Variants in FMNL1 observed in about 807,000 individuals in gnomAD.
The protein encoded by FMNL1 is formin-like protein 1.
A neutral mutation model predicts 121.3 loss-of-function variants in FMNL1; 43 were observed. The observed-to-expected ratio is 0.35, with a 90% CI of 0.28 to 0.46. The LOEUF is 0.46. Ranked by LOEUF, FMNL1 falls within the 20% of genes least tolerant of loss-of-function variation. FMNL1 has a pLI of 1.00. For missense variants in FMNL1, 1,191 were observed against 1,482.4 expected, an observed-to-expected ratio of 0.80 and a Z score of 3.23; for synonymous variants, 613 against 613.5, an observed-to-expected ratio of 1.00 and a Z score of 0.01.
Position 45,237,530 on chromosome 17 carries a change from C to T in FMNL1, c.801-16C>T. The T allele has an allele frequency of 6.2e-7, 1 of 1,613,936 alleles. No individual in the cohort carries two copies. Among genetic ancestry groups the T allele is most frequent in the Non-Finnish European group, 8.5e-7 (1 of 1,179,800 alleles). Reference sequence around the variant, plus strand: ...CTGCCTGTTCTCAAGGGACAACCTGCCCCTTCTCTCTCCAGAACCAAGGCT... The same window carrying T: ...CTGCCTGTTCTCAAGGGACAACCTGTCCCTTCTCTCTCCAGAACCAAGGCT... On this transcript the variant is annotated splice_polypyrimidine_tract_variant and intron_variant, in intron 8 of 26. Coordinates refer to ENST00000331495, the MANE Select transcript of FMNL1 (RefSeq NM_005892.4). The surrounding 1 kb of genome is among the most constrained non-coding windows in gnomAD (Gnocchi z 4.4).
In FMNL1 at chr17:45,241,830, C is replaced by T. The variant is rs2043704877; in HGVS notation, c.1586-17C>T. ...GCTGACTCGCGCCTCCCCCACGCCG[C>T]GCCCTCGCTGGCTCAGATCTCGCAC... On this transcript the variant is annotated splice_polypyrimidine_tract_variant and intron_variant, in intron 14 of 26. Coordinates refer to ENST00000331495, the MANE Select transcript of FMNL1 (RefSeq NM_005892.4). The surrounding 1 kb of genome is among the most constrained non-coding windows in gnomAD (Gnocchi z 7.0). The T allele has an allele frequency of 2.1e-6, 3 of 1,414,800 alleles. No homozygotes were observed. The highest frequency in any genetic ancestry group is 3.0e-5 in the African/African-American group (2 of 66,914). The allele number at this position is 1,414,800 out of a possible 1,614,324, so 87.6% of individuals were successfully genotyped here.
chr17:45,243,720 A>C lies in FMNL1; in HGVS notation c.2214-71A>C, dbSNP rs181679032. On this transcript the variant is annotated intron_variant, in intron 17 of 26. Coordinates refer to ENST00000331495, the MANE Select transcript of FMNL1 (RefSeq NM_005892.4). ...TGAAATTCATTTATTCAATCAAGGC[A>C]GGGGTAGCCCTGCTCCCAGGGACTG... 1.1e-4 allele frequency: 149 copies of C among 1,398,472 alleles called. No individual in the cohort carries two copies. The African/African-American group carries it at 2.1e-3, about 19-fold the overall frequency. The allele number at this position is 1,398,472 out of a possible 1,614,324, so 86.6% of individuals were successfully genotyped here. A position where few individuals can be genotyped will look rare whatever the true frequency, so the allele number is the denominator to read the frequency against.
At position 45,236,200 on chromosome 17, in the gene FMNL1, G is replaced by A. The variant is rs778357711; in HGVS notation, c.679G>A (p.Val227Ile). 1.9e-6 allele frequency: 3 copies of A among 1,613,982 alleles called. No homozygotes were observed. The highest frequency in any genetic ancestry group is 1.1e-5 in the South Asian group (1 of 91,086). Residue 227 changes from valine to isoleucine, a missense_variant, in exon 7 of 27, where the codon GTC becomes ATC. By Grantham distance (29) the Val-to-Ile change is conservative. Coordinates refer to ENST00000331495, the MANE Select transcript of FMNL1 (RefSeq NM_005892.4). ...NSRIVSQKDD[V>I]HVCIMCLRAI... ...CCGCATCGTCAGCCAGAAGGACGAC[G>A]TCCACGTCTGTATTATGTGCCTACG...
At chr17:45,246,801 C>T in intron 26 of FMNL1, 66 bp from the exon 27 acceptor site, 1 of 700,164 alleles carries the variant, frequency 1.4e-6, no homozygotes, top group Non-Finnish European at 2.6e-6. Flanking sequence ...AGCTTTGTGC[C>T]CTGGAGCCAT....
rs1370317879 is a variant in FMNL1, at chr17:45,246,510, A to C, written c.3217A>C (p.Lys1073Gln). The C allele has an allele frequency of 1.2e-6, 2 of 1,614,004 alleles. No individual in the cohort carries two copies. Among genetic ancestry groups the C allele is most frequent in the African/African-American group, 1.3e-5 (1 of 74,970 alleles). ...GAIEDIITVIKTVPFTARTGK... is the reference protein window; with the variant it reads ...GAIEDIITVIQTVPFTARTGK... ...CCTGCCCCACCCCCACTCAGTGATC[A>C]AGACGGTGCCCTTCACGGCCCGCAC... Residue 1073 changes from lysine (K) to glutamine (Q), a missense_variant, in exon 26 of 27, where the codon AAG becomes CAG. Physicochemically the swap from Lys to Gln is moderately conservative, Grantham distance 53. Coordinates refer to ENST00000331495, the MANE Select transcript of FMNL1 (RefSeq NM_005892.4).
chr17:45,240,458 C>A lies in FMNL1; in HGVS notation c.1081-18C>A. 1 of 1,601,644 alleles carries A rather than the reference C, an allele frequency of 6.2e-7. No individual in the cohort carries two copies. Among genetic ancestry groups the A allele is most frequent in the South Asian group, 1.1e-5 (1 of 89,594 alleles). ...ACACACACCAGGCCTCACCCCACTC[C>A]TTCCATCTGGGGGACAGAGGCTTCG... On this transcript the variant is annotated intron_variant, in intron 11 of 26. Transcript: ENST00000331495.
chr17:45,245,816 G>C (rs1004119469), intron 23 of FMNL1, 62 bp from the exon 24 acceptor site: 8 of 1,327,954 alleles, frequency 6.0e-6, no homozygotes, highest in Non-Finnish European at 8.2e-6. Flanking sequence ...GGCTGCTTCT[G>C]TTTAGGGGGT....
Position 45,232,431 on chromosome 17 carries a change from C to T in FMNL1, c.278C>T (p.Thr93Ile), listed in dbSNP as rs370795739. The change falls in exon 3 of 27, where the codon ACT (threonine) becomes ATT (isoleucine). Residue 93 changes from threonine to isoleucine, a missense_variant. Coordinates refer to ENST00000331495, the MANE Select transcript of FMNL1 (RefSeq NM_005892.4). ...YIQKLKSYVD[T>I]GGVSRKVAAD... The stretch of plus-strand genomic sequence containing the variant: ...CAGAAGCTGAAGAGCTATGTGGATA[C>T]TGGTGGGGTCAGCCGAAAGGTAGCA... The T allele has an allele frequency of 6.2e-6, 10 of 1,613,944 alleles. No individual in the cohort carries two copies. Among genetic ancestry groups the T allele is most frequent in the Non-Finnish European group, 8.5e-6 (10 of 1,179,986 alleles).
Position 45,245,425 on chromosome 17 carries a change from G to C in FMNL1, c.2892+9G>C. The C allele has an allele frequency of 6.2e-7, 1 of 1,614,098 alleles. No homozygotes were observed. The highest frequency in any genetic ancestry group is 8.5e-7 in the Non-Finnish European group (1 of 1,180,006). On this transcript the variant is annotated intron_variant, in intron 22 of 26. Transcript: ENST00000331495. Reference sequence around the variant, plus strand: ...ACAGCAAGACGGCTCAGGTGCGCCAGGGCTGGCCTCACCTGGAGGTGGGGC... The same window carrying C: ...ACAGCAAGACGGCTCAGGTGCGCCACGGCTGGCCTCACCTGGAGGTGGGGC...
At chr17:45,232,996 GT>G in intron 3 of FMNL1, 2 of 646,528 alleles carry the variant, frequency 3.1e-6, no homozygotes, top group Non-Finnish European at 5.7e-6. Flanking sequence ...GTGTGCCCAT[GT>G]ATCGGGGGTG....
intron 1 of FMNL1, among the ~76,000 whole-genome samples, chr17:45,226,752 T>G (rs2043337337): frequency 6.6e-6 from 1 of 152,178 alleles, no homozygotes; most frequent in Non-Finnish European, 1.5e-5. Flanking sequence ...TTGTTACTGT[T>G]GTCGGTGTTG....
At chr17:45,246,419 CT>C (rs2043836860) in intron 25 of FMNL1, 85 bp from the exon 26 acceptor site, 2 of 1,611,980 alleles carry the variant, frequency 1.2e-6, no homozygotes, top group Admixed American at 3.3e-5. Flanking sequence ...GGGGGACTGG[CT>C]GCCACACTGC....
At position 45,245,055 on chromosome 17, in the gene FMNL1, C is replaced by T. The variant is rs780542974; in HGVS notation, c.2675C>T (p.Pro892Leu). 12 of 1,614,052 alleles carry T rather than the reference C, an allele frequency of 7.4e-6. No individual in the cohort carries two copies. The highest frequency in any genetic ancestry group is 1.3e-5 in the African/African-American group (1 of 74,912). The change falls in exon 21 of 27, where the codon CCG becomes CTG. Residue 892 changes from proline (P) to leucine (L), a missense_variant. Physicochemically the swap from Pro to Leu is moderately conservative, Grantham distance 98. Coordinates refer to ENST00000331495, the MANE Select transcript of FMNL1 (RefSeq NM_005892.4). ...GTGAAGGTCATTGCTGAGAAGTACC[C>T]GCAACTCACAGGCTTCCACAGCGAC... The part of the protein sequence containing the change: ...YLVKVIAEKY[P>L]QLTGFHSDLH...
At chr17:45,236,373 T>C in intron 7 of FMNL1, 129 bp downstream of exon 7, 1 of 720,920 alleles carries the variant, frequency 1.4e-6, no homozygotes, top group Non-Finnish European at 2.3e-6. Context: ...CTTGCGCATC[T>C]GGGCTGTTGG....
Position 45,246,892 on chromosome 17 carries a change from C to T in FMNL1, c.*34C>T. ...ATCTGCGGAACCAGCCCTACATCCGCGCAGACACAGGCCGCCGCAGTGCCC... is the reference window on the plus strand; with the variant it reads ...ATCTGCGGAACCAGCCCTACATCCGTGCAGACACAGGCCGCCGCAGTGCCC... On this transcript the variant is annotated 3_prime_UTR_variant, in exon 27 of 27. Coordinates refer to ENST00000331495, the MANE Select transcript of FMNL1 (RefSeq NM_005892.4). 1 of 754,990 alleles carries T rather than the reference C, an allele frequency of 1.3e-6. No individual in the cohort carries two copies. Among genetic ancestry groups the T allele is most frequent in the Non-Finnish European group, 2.4e-6 (1 of 414,066 alleles). 46.8% of individuals were successfully genotyped at this position (754,990 alleles called of 1,614,324 possible).
intron 11 of FMNL1, 72 bp from the exon 12 acceptor site, chr17:45,240,404 G>A: frequency 6.8e-7 from 1 of 1,479,082 alleles, no homozygotes; most frequent in Non-Finnish European, 9.0e-7. Context: ...GTGGTGGCAG[G>A]GGGGTGGTTT....
At chr17:45,245,569 GT>G (rs1390019655) in intron 22 of FMNL1, 62 bp from the exon 23 acceptor site, 1 of 1,604,998 alleles carries the variant, frequency 6.2e-7, no homozygotes, top group African/African-American at 1.3e-5. Flanking sequence ...CAGGTGGCCA[GT>G]GTCCTGAGGG....
chr17:45,231,749 G>A lies in FMNL1; in HGVS notation c.214-618G>A, dbSNP rs2043442494. On this transcript the variant is annotated intron_variant, in intron 2 of 26. Transcript: ENST00000331495. The surrounding 1 kb of genome is among the most constrained non-coding windows in gnomAD (Gnocchi z 4.7). ...GAGGAGCACGCAGGTTCCTGCCAACGCAGATGTGCAGGGCGGCTGGGTCCG... is the reference window on the plus strand; with the variant it reads ...GAGGAGCACGCAGGTTCCTGCCAACACAGATGTGCAGGGCGGCTGGGTCCG... 1.3e-5 allele frequency among the ~76,000 whole-genome samples: 2 copies of A among 152,120 alleles called. No homozygotes were observed. The highest frequency in any genetic ancestry group is 2.4e-5 in the African/African-American group (1 of 41,410).
chr17:45,230,672 G>T lies in FMNL1; in HGVS notation c.198G>T (p.Glu66Asp). ...LSQYDNEKKWELICDQERFQV... is the reference protein window; with the variant it reads ...LSQYDNEKKWDLICDQERFQV... ...AGTATGACAACGAGAAGAAGTGGGA[G>T]CTCATCTGTGATCAGGTAGGTGCCA... is the stretch of plus-strand genomic sequence containing the variant. The change falls in exon 2 of 27, where the codon GAG (glutamate) becomes GAT (aspartate). Residue 66 changes from glutamate to aspartate, a missense_variant. By Grantham distance (45) the Glu-to-Asp change is conservative. Around this residue, in one of 4 missense-constraint regions of FMNL1, gnomAD observed 253 missense variants for 417.5 expected, o/e 0.61. Coordinates refer to ENST00000331495, the MANE Select transcript of FMNL1 (RefSeq NM_005892.4). The T allele has an allele frequency of 6.2e-7, 1 of 1,613,738 alleles. No homozygotes were observed. The highest frequency in any genetic ancestry group is 2.2e-5 in the East Asian group (1 of 44,874).
Sources: allele counts gnomAD v4.1 joint callset (sites outside exome capture counted in the v4.1 genomes callset), GRCh38; gene constraint gnomAD v4.1.1; regional missense constraint gnomAD v4.1.1; non-coding constraint Gnocchi (gnomAD v3.1); transcripts MANE v1.5; gene names NCBI Gene and HGNC (gene_info 2026-07-23, HGNC 2026-07-21).